Variants in MCHR1 observed in about 807,000 individuals in gnomAD.
The protein encoded by MCHR1 is melanin concentrating hormone receptor 1.
MCHR1 carries 13 observed loss-of-function variants against 20.4 expected under a neutral mutation model. The observed-to-expected ratio is 0.64, with a 90% CI of 0.41 to 1.01. The LOEUF (loss-of-function observed/expected upper bound fraction) is 1.01, where lower values mean the gene tolerates loss of function less well. Among genes scored for constraint, MCHR1 ranks in the 50% least tolerant of loss-of-function variants. MCHR1 has a pLI of 0.00. For synonymous variants in MCHR1, 215 were observed against 204.4 expected, an observed-to-expected ratio of 1.05 and a Z score of -0.44; for missense variants, 472 against 477.0, an observed-to-expected ratio of 0.99 and a Z score of 0.10.
At position 40,681,740 on chromosome 22, in the gene MCHR1, T is replaced by G. The variant is rs114241821; in HGVS notation, c.874T>G (p.Leu292Val). 1.9e-6 allele frequency: 3 copies of G among 1,614,252 alleles called. No individual in the cohort carries two copies. In the South Asian group the frequency reaches 3.3e-5, roughly 18 times the overall value. ...ISRPTLTFVY[L>V]YNAAISLGYA... ...CCGCCCGACCCTCACCTTTGTCTACTTATACAATGCGGCCATCAGCTTGGG... is the reference window on the plus strand; with the variant it reads ...CCGCCCGACCCTCACCTTTGTCTACGTATACAATGCGGCCATCAGCTTGGG... Residue 292 changes from leucine to valine, a missense_variant, in exon 2 of 2, where the codon TTA (leucine) becomes GTA (valine). Leu to Val is a conservative substitution (Grantham distance 32, BLOSUM62 1). Transcript: ENST00000249016. This position sits in a 1 kb window ranked among gnomAD's most constrained non-coding sequence, Gnocchi z 4.3.
In MCHR1 at chr22:40,681,548, T is replaced by A; in HGVS notation, c.682T>A (p.Tyr228Asn). 1 of 1,613,210 alleles carries A rather than the reference T, an allele frequency of 6.2e-7. No homozygotes were observed. The change falls in exon 2 of 2, where the codon TAC (tyrosine) becomes AAC (asparagine). Residue 228 changes from tyrosine to asparagine, a missense_variant. Physicochemically the swap from Tyr to Asn is moderately radical, Grantham distance 143 (BLOSUM62 -2). Transcript: ENST00000249016. This position sits in a 1 kb window ranked among gnomAD's most constrained non-coding sequence, Gnocchi z 4.3. ...GCCTTTTGTGGTCATCACAGCCGCA[T>A]ACGTGAGGATCCTGCAGCGCATGAC... ...ALPFVVITAA[Y>N]VRILQRMTSS...
Position 40,681,239 on chromosome 22 carries a change from A to G in MCHR1, c.373A>G (p.Asn125Asp). 1 of 1,614,126 alleles carries G rather than the reference A, an allele frequency of 6.2e-7. No individual in the cohort carries two copies. The stretch of plus-strand genomic sequence containing the variant: ...CACCCTCATCACGGCCATGGATGCC[A>G]ATAGTCAGTTCACCAGCACCTACAT... ...MCTLITAMDA[N>D]SQFTSTYILT... Residue 125 changes from asparagine to aspartate, a missense_variant, in exon 2 of 2, where the codon AAT becomes GAT. Physicochemically the swap from Asn to Asp is conservative, Grantham distance 23 (BLOSUM62 1). Transcript: ENST00000249016. The surrounding 1 kb of genome is among the most constrained non-coding windows in gnomAD (Gnocchi z 4.3).
chr22:40,679,717 ATAACC>A lies in MCHR1; in HGVS notation c.67_71del (p.Asn23HisfsTer102). ...GCCAGCAACACCTCTGATGGCCCCGATAACCTCACTTCGGCAGGTGAGTTGACTGG... is the reference window on the plus strand; with the variant it reads ...GCCAGCAACACCTCTGATGGCCCCGATCACTTCGGCAGGTGAGTTGACTGG... On this transcript the variant is annotated frameshift_variant, in exon 1 of 2. Transcript: ENST00000249016. LOFTEE classifies it high-confidence loss of function. The A allele has an allele frequency of 6.2e-7, 1 of 1,614,106 alleles. No individual in the cohort carries two copies. The highest frequency in any genetic ancestry group is 1.7e-5 in the Admixed American group (1 of 60,014).
In MCHR1 at chr22:40,681,842, G is replaced by T. The variant is rs1343836361; in HGVS notation, c.976G>T (p.Val326Leu). The T allele has an allele frequency of 6.2e-7, 1 of 1,614,094 alleles. No individual in the cohort carries two copies. Among genetic ancestry groups the T allele is most frequent in the South Asian group, 1.1e-5 (1 of 91,084 alleles). Reference sequence around the variant, plus strand: ...GTTCCGCAAACGCTTGGTCCTGTCGGTGAAGCCTGCAGCCCAGGGGCAGCT... The same window carrying T: ...GTTCCGCAAACGCTTGGTCCTGTCGTTGAAGCCTGCAGCCCAGGGGCAGCT... Reference protein sequence around the residue: ...ETFRKRLVLSVKPAAQGQLRA... With the variant: ...ETFRKRLVLSLKPAAQGQLRA... The change falls in exon 2 of 2, where the codon GTG becomes TTG. Residue 326 changes from valine (V) to leucine (L), a missense_variant. Coordinates refer to ENST00000249016, the MANE Select transcript of MCHR1 (RefSeq NM_005297.4). This position sits in a 1 kb window ranked among gnomAD's most constrained non-coding sequence, Gnocchi z 4.3.
chr22:40,681,786 A>G lies in MCHR1; in HGVS notation c.920A>G (p.Asn307Ser), dbSNP rs200434577. The change falls in exon 2 of 2, where the codon AAC becomes AGC. Residue 307 changes from asparagine (N) to serine (S), a missense_variant. Transcript: ENST00000249016. The surrounding 1 kb of genome is among the most constrained non-coding windows in gnomAD (Gnocchi z 4.3). The stretch of plus-strand genomic sequence containing the variant: ...TTGGGCTATGCCAACAGCTGCCTCA[A>G]CCCCTTTGTGTACATCGTGCTCTGT... ...ISLGYANSCLNPFVYIVLCET... is the reference protein window; with the variant it reads ...ISLGYANSCLSPFVYIVLCET... The G allele has an allele frequency of 6.2e-6, 10 of 1,613,832 alleles. No individual in the cohort carries two copies. The highest frequency in any genetic ancestry group is 1.7e-5 in the Admixed American group (1 of 59,986).
rs200106144 is a variant in MCHR1 at position 40,682,011 on chromosome 22, C to T, written c.*83C>T. The T allele has an allele frequency of 3.8e-5, 59 of 1,561,486 alleles. No individual in the cohort carries two copies. Among genetic ancestry groups the T allele is most frequent in the African/African-American group, 9.5e-5 (7 of 74,026 alleles). On this transcript the variant is annotated 3_prime_UTR_variant, in exon 2 of 2. Coordinates refer to ENST00000249016, the MANE Select transcript of MCHR1 (RefSeq NM_005297.4). ...AGAGATGCTGAGAAAAACCCAAGAC[C>T]GCTCGGGAAATGCAGGAAGGCCGGG...
Position 40,679,730 on chromosome 22 carries a change from G to A in MCHR1, c.78G>A (p.Ser26=), listed in dbSNP as rs201514957. The change falls in exon 1 of 2, where the codon TCG becomes TCA. Residue 26 remains serine, a synonymous_variant. Coordinates refer to ENST00000249016, the MANE Select transcript of MCHR1 (RefSeq NM_005297.4). ...NTSDGPDNLT[S]AGSPPRTGSI... ...CTGATGGCCCCGATAACCTCACTTC[G>A]GCAGGTGAGTTGACTGGGAGCCCTC... is the stretch of plus-strand genomic sequence containing the variant. The A allele has an allele frequency of 4.0e-5, 65 of 1,613,998 alleles. No individual in the cohort carries two copies. The highest frequency in any genetic ancestry group is 4.3e-5 in the Non-Finnish European group (51 of 1,180,026).
chr22:40,681,428 C>T lies in MCHR1; in HGVS notation c.562C>T (p.Pro188Ser). 3.7e-6 allele frequency: 6 copies of T among 1,614,010 alleles called. No homozygotes were observed. Among genetic ancestry groups the T allele is most frequent in the Non-Finnish European group, 5.1e-6 (6 of 1,180,038 alleles). The change falls in exon 2 of 2, where the codon CCA (proline) becomes TCA (serine). Residue 188 changes from proline (P) to serine (S), a missense_variant. By Grantham distance (74) the Pro-to-Ser change is moderately conservative (BLOSUM62 -1). Coordinates refer to ENST00000249016, the MANE Select transcript of MCHR1 (RefSeq NM_005297.4). This position sits in a 1 kb window ranked among gnomAD's most constrained non-coding sequence, Gnocchi z 4.3. ...GCTGTATGCCAGACTCATCCCCTTCCCAGGAGGTGCAGTGGGCTGCGGCAT... is the reference window on the plus strand; with the variant it reads ...GCTGTATGCCAGACTCATCCCCTTCTCAGGAGGTGCAGTGGGCTGCGGCAT... ...VWLYARLIPF[P>S]GGAVGCGIRL...
Position 40,682,117 on chromosome 22 carries a change from G to A in MCHR1, c.*189G>A. 1 of 702,364 alleles carries A rather than the reference G, an allele frequency of 1.4e-6. No homozygotes were observed. Among genetic ancestry groups the A allele is most frequent in the Non-Finnish European group, 2.4e-6 (1 of 421,364 alleles). The allele number at this position is 702,364 out of a possible 1,614,324, so 43.5% of individuals were successfully genotyped here. A position where few individuals can be genotyped will look rare whatever the true frequency, so the allele number is the denominator to read the frequency against. ...GGGGAGGCCTGGAGTCAGGTTTGGG[G>A]TTTTCAGATATCAGAAATCCCCTTG... On this transcript the variant is annotated 3_prime_UTR_variant, in exon 2 of 2. Transcript: ENST00000249016.
intron 1 of MCHR1, among the ~76,000 whole-genome samples, chr22:40,680,587 C>T (rs1375227633): frequency 8.6e-6 from 1 of 115,956 alleles, no homozygotes; most frequent in East Asian, 1.5e-3. Flanking sequence ...CACACACACA[C>T]ACACATACAC....
Position 40,681,524 on chromosome 22 carries a change from C to T in MCHR1, c.658C>T (p.Pro220Ser), listed in dbSNP as rs994447443. 6.2e-7 allele frequency: 1 copy of T among 1,612,542 alleles called. No homozygotes were observed. The highest frequency in any genetic ancestry group is 1.3e-5 in the African/African-American group (1 of 75,070). ...LYQFFLAFALPFVVITAAYVR... is the reference protein window; with the variant it reads ...LYQFFLAFALSFVVITAAYVR... ...CCAGTTTTTCCTGGCCTTTGCCCTG[C>T]CTTTTGTGGTCATCACAGCCGCATA... The change falls in exon 2 of 2, where the codon CCT becomes TCT. Residue 220 changes from proline to serine, a missense_variant. Physicochemically the swap from Pro to Ser is moderately conservative, Grantham distance 74 (BLOSUM62 -1). Coordinates refer to ENST00000249016, the MANE Select transcript of MCHR1 (RefSeq NM_005297.4). The surrounding 1 kb of genome is among the most constrained non-coding windows in gnomAD (Gnocchi z 4.3).
rs2056878241 is a variant in MCHR1 at position 40,681,221 on chromosome 22, A to G, written c.355A>G (p.Ile119Val). 6.2e-7 allele frequency: 1 copy of G among 1,614,014 alleles called. No individual in the cohort carries two copies. Among genetic ancestry groups the G allele is most frequent in the Admixed American group, 1.7e-5 (1 of 59,988 alleles). Residue 119 changes from isoleucine to valine, a missense_variant, in exon 2 of 2, where the codon ATC (isoleucine) becomes GTC (valine). Transcript: ENST00000249016. This position sits in a 1 kb window ranked among gnomAD's most constrained non-coding sequence, Gnocchi z 4.3. Reference protein sequence around the residue: ...WHFGETMCTLITAMDANSQFT... With the variant: ...WHFGETMCTLVTAMDANSQFT... ...CTTTGGGGAGACCATGTGCACCCTCATCACGGCCATGGATGCCAATAGTCA... is the reference window on the plus strand; with the variant it reads ...CTTTGGGGAGACCATGTGCACCCTCGTCACGGCCATGGATGCCAATAGTCA...
intron 1 of MCHR1, chr22:40,680,296 G>A (rs2056872465): frequency 1.1e-5 from 2 of 189,982 alleles, no homozygotes; most frequent in African/African-American, 4.7e-5. Flanking sequence ...GGAAGGAAAA[G>A]AGGAAAGGCT....
At position 40,681,147 on chromosome 22, in the gene MCHR1, T is replaced by C. The variant is rs1439859149; in HGVS notation, c.281T>C (p.Leu94Pro). The C allele has an allele frequency of 1.2e-6, 2 of 1,613,994 alleles. No individual in the cohort carries two copies. Among genetic ancestry groups the C allele is most frequent in the African/African-American group, 2.7e-5 (2 of 74,882 alleles). ...NLSVVDLLFLLGMPFMIHQLM... is the reference protein window; with the variant it reads ...NLSVVDLLFLPGMPFMIHQLM... ...TCGGTAGTAGATCTCCTCTTTCTCC[T>C]GGGCATGCCCTTCATGATCCACCAG... is the stretch of plus-strand genomic sequence containing the variant. Residue 94 changes from leucine (L) to proline (P), a missense_variant, in exon 2 of 2, where the codon CTG (leucine) becomes CCG (proline). Coordinates refer to ENST00000249016, the MANE Select transcript of MCHR1 (RefSeq NM_005297.4). This position sits in a 1 kb window ranked among gnomAD's most constrained non-coding sequence, Gnocchi z 4.3.
In MCHR1 at chr22:40,681,861, G is replaced by A. The variant is rs200133521; in HGVS notation, c.995G>A (p.Gly332Glu). 7 of 1,613,828 alleles carry A rather than the reference G, an allele frequency of 4.3e-6. No individual in the cohort carries two copies. The highest frequency in any genetic ancestry group is 5.9e-6 in the Non-Finnish European group (7 of 1,180,040). ...LVLSVKPAAQ[G>E]QLRAVSNAQT... is the part of the protein sequence containing the mutation. ...CTGTCGGTGAAGCCTGCAGCCCAGG[G>A]GCAGCTTCGCGCTGTCAGCAACGCT... is the stretch of plus-strand genomic sequence containing the variant. Residue 332 changes from glycine (G) to glutamate (E), a missense_variant, in exon 2 of 2, where the codon GGG becomes GAG. Transcript: ENST00000249016. The surrounding 1 kb of genome is among the most constrained non-coding windows in gnomAD (Gnocchi z 4.3).
Position 40,681,680 on chromosome 22 carries a change from T to C in MCHR1, c.814T>C (p.Tyr272His), listed in dbSNP as rs761968308. Residue 272 changes from tyrosine to histidine, a missense_variant, in exon 2 of 2, where the codon TAC (tyrosine) becomes CAC (histidine). Coordinates refer to ENST00000249016, the MANE Select transcript of MCHR1 (RefSeq NM_005297.4). This position sits in a 1 kb window ranked among gnomAD's most constrained non-coding sequence, Gnocchi z 4.3. ...CLVFFVCWAPYYVLQLTQLSI... is the reference protein window; with the variant it reads ...CLVFFVCWAPHYVLQLTQLSI... ...GGTCTTCTTTGTGTGCTGGGCACCCTACTATGTGCTACAGCTGACCCAGTT... is the reference window on the plus strand; with the variant it reads ...GGTCTTCTTTGTGTGCTGGGCACCCCACTATGTGCTACAGCTGACCCAGTT... The C allele has an allele frequency of 1.9e-6, 3 of 1,614,264 alleles. No individual in the cohort carries two copies. Among genetic ancestry groups the C allele is most frequent in the South Asian group, 2.2e-5 (2 of 91,090 alleles).
Position 40,679,733 on chromosome 22 carries a change from A to T in MCHR1, c.81A>T (p.Ala27=). The T allele has an allele frequency of 6.2e-7, 1 of 1,614,136 alleles. No homozygotes were observed. The highest frequency in any genetic ancestry group is 8.5e-7 in the Non-Finnish European group (1 of 1,180,020). The change falls in exon 1 of 2, where the codon GCA becomes GCT. Residue 27 remains alanine (A), a splice_region_variant and synonymous_variant. Transcript: ENST00000249016. ...TSDGPDNLTS[A]GSPPRTGSIS... ...ATGGCCCCGATAACCTCACTTCGGC[A>T]GGTGAGTTGACTGGGAGCCCTCCCT... is the stretch of plus-strand genomic sequence containing the variant.
Position 40,679,651 on chromosome 22 carries a change from G to A in MCHR1, c.-2G>A, listed in dbSNP as rs759150447. The A allele has an allele frequency of 1.9e-6, 3 of 1,614,126 alleles. No homozygotes were observed. The highest frequency in any genetic ancestry group is 1.3e-5 in the African/African-American group (1 of 75,040). On this transcript the variant is annotated 5_prime_UTR_variant, in exon 1 of 2. Coordinates refer to ENST00000249016, the MANE Select transcript of MCHR1 (RefSeq NM_005297.4). The stretch of plus-strand genomic sequence containing the variant: ...TGGGAGCAGGCGACCGGCACTGGCT[G>A]GATGGACCTGGAAGCCTCGCTGCTG...
At chr22:40,680,409 C>T (rs1022849875) in intron 1 of MCHR1, among the ~76,000 whole-genome samples, 1 of 152,124 alleles carries the variant, frequency 6.6e-6, no homozygotes, top group Non-Finnish European at 1.5e-5. Context: ...AGGAAATCCC[C>T]GCTAGGAAGC....
Sources: gnomAD v4.1 joint callset for allele counts (sites outside exome capture counted in the v4.1 genomes callset) on GRCh38, gnomAD v4.1.1 for gene constraint, Gnocchi (gnomAD v3.1) non-coding constraint, MANE v1.5 for transcripts, NCBI Gene and HGNC (gene_info 2026-07-23, HGNC 2026-07-21) for gene names.